Variants in DACH1 observed in about 807,000 individuals in gnomAD.
DACH1 encodes the protein dachshund homolog 1.
In DACH1, 12 loss-of-function variants were observed where a neutral mutation model predicts 54.2. The observed-to-expected ratio is 0.22, with a 90% CI of 0.14 to 0.36. DACH1 has a LOEUF of 0.36. Ranked by LOEUF, DACH1 falls within the 10% of genes least tolerant of loss-of-function variation. The pLI is 1.00. For synonymous variants in DACH1, 386 were observed against 366.2 expected, an observed-to-expected ratio of 1.05 and a Z score of -0.62; for missense variants, 805 against 929.8, an observed-to-expected ratio of 0.87 and a Z score of 1.75.
At chr13:71,628,984 A>G (rs1246650063) in intron 3 of DACH1, among the ~76,000 whole-genome samples, 1 of 152,098 alleles carries the variant, frequency 6.6e-6, no homozygotes, top group Non-Finnish European at 1.5e-5. Flanking sequence ...CTTTTCTAAA[A>G]TTTTGAAAAC....
At chr13:71,638,719 T>A (rs1441568230) in intron 2 of DACH1, among the ~76,000 whole-genome samples, 1 of 152,134 alleles carries the variant, frequency 6.6e-6, no homozygotes, top group Non-Finnish European at 1.5e-5. Flanking sequence ...TGGGTTTCTA[T>A]TTTCAATAAG....
intron 2 of DACH1, among the ~76,000 whole-genome samples, chr13:71,642,010 T>C (rs1877943332): frequency 6.6e-6 from 1 of 152,188 alleles, no homozygotes; most frequent in Non-Finnish European, 1.5e-5. Flanking sequence ...GAAAGAAATG[T>C]TTAGTTACTA....
intron 6 of DACH1, among the ~76,000 whole-genome samples, chr13:71,544,576 C>G (rs934994146): frequency 6.6e-6 from 1 of 152,106 alleles, no homozygotes; most frequent in Non-Finnish European, 1.5e-5. Flanking sequence ...GAGATTATGA[C>G]TGCAAAACTT....
rs149003050 is a variant in DACH1, at chr13:71,572,299, T to C, written c.1299+541A>G. On this transcript the variant is annotated intron_variant, in intron 4 of 10. Coordinates refer to ENST00000613252, the MANE Select transcript of DACH1 (RefSeq NM_080759.6). ...GATAGAGGAGACGGAATTGTGTATA[T>C]ATGCACATATGAAGTTTATATAACA... 3.0e-3 allele frequency among the ~76,000 whole-genome samples: 458 copies of C among 152,266 alleles called. 9 individuals are homozygous for C. The highest frequency in any genetic ancestry group is 0.023 in the Admixed American group (349 of 15,296).
chr13:71,623,206 A>G (rs1338147632), intron 3 of DACH1, among the ~76,000 whole-genome samples: 1 of 151,686 alleles, frequency 6.6e-6, no homozygotes, highest in Non-Finnish European at 1.5e-5. Flanking sequence ...TAATGTTTCT[A>G]TTCCTTTACA....
At chr13:71,693,290 G>GTTTTGCT (rs1881618945) in intron 1 of DACH1, among the ~76,000 whole-genome samples, 1 of 102,362 alleles carries the variant, frequency 9.8e-6, no homozygotes, top group Admixed American at 9.2e-5. Context: ...TTATCCATTT[G>GTTTTGCT]TTTTGCTTTT....
At position 71,488,914 on chromosome 13, in the gene DACH1, T is replaced by C. The variant is rs1878758945; in HGVS notation, c.1722+83A>G. ...TTTCAGTCAGTCTAATGGGATTAAG[T>C]AGGAACAGTATAAATTTTGGAAAAA... On this transcript the variant is annotated intron_variant, in intron 7 of 10. Transcript: ENST00000613252. 3 of 1,331,264 alleles carry C rather than the reference T, an allele frequency of 2.3e-6. No individual in the cohort carries two copies. The African/African-American group carries it at 4.4e-5, about 20-fold the overall frequency. 82.5% of individuals were successfully genotyped at this position (1,331,264 alleles called of 1,614,324 possible). A position where few individuals can be genotyped will look rare whatever the true frequency, so the allele number is the denominator to read the frequency against.
chr13:71,675,926 CAT>C (rs1880539267), intron 2 of DACH1, among the ~76,000 whole-genome samples: 1 of 152,020 alleles, frequency 6.6e-6, no homozygotes, highest in African/African-American at 2.4e-5. Flanking sequence ...CATGCAAGTA[CAT>C]GTTTTTAATG....
At chr13:71,549,123 T>C (rs542289387) in intron 6 of DACH1, among the ~76,000 whole-genome samples, 11 of 152,018 alleles carry the variant, frequency 7.2e-5, no homozygotes, top group African/African-American at 2.7e-4. Context: ...AAACTAGAGA[T>C]AACCAATTCA....
chr13:71,518,931 A>ATT, intron 6 of DACH1, among the ~76,000 whole-genome samples: 1 of 151,996 alleles, frequency 6.6e-6, no homozygotes, highest in East Asian at 1.9e-4. Context: ...GACATCTGAA[A>ATT]TTTTTATGAA....
intron 6 of DACH1, among the ~76,000 whole-genome samples, chr13:71,520,117 A>G (rs942113184): frequency 6.6e-6 from 1 of 151,244 alleles, no homozygotes; most frequent in Non-Finnish European, 1.5e-5. Context: ...GAGAAGAAGC[A>G]CTAGTTGAAG....
intron 10 of DACH1, among the ~76,000 whole-genome samples, chr13:71,465,060 T>C (rs1216593655): frequency 6.6e-6 from 1 of 152,076 alleles, no homozygotes; most frequent in Non-Finnish European, 1.5e-5. Context: ...AACAACATTA[T>C]TGTGGCATGT....
chr13:71,474,318 ATGAT>A (rs1189733327), intron 10 of DACH1, among the ~76,000 whole-genome samples: 1 of 152,196 alleles, frequency 6.6e-6, no homozygotes, highest in East Asian at 1.9e-4. Flanking sequence ...TATCCTAAAA[ATGAT>A]TGAGTTTAAA....
At chr13:71,816,542 G>A (rs1191891394) in intron 1 of DACH1, among the ~76,000 whole-genome samples, 1 of 147,134 alleles carries the variant, frequency 6.8e-6, no homozygotes, top group Admixed American at 6.8e-5. Flanking sequence ...AAGAAAATGT[G>A]GTATGTGGTA....
chr13:71,616,243 G>A (rs1317523589), intron 3 of DACH1, among the ~76,000 whole-genome samples: 4 of 152,086 alleles, frequency 2.6e-5, no homozygotes, highest in Non-Finnish European at 5.9e-5. Flanking sequence ...AGATATTACA[G>A]AGTATTAAGA....
chr13:71,585,985 C>T (rs1873228943), intron 3 of DACH1, among the ~76,000 whole-genome samples: 2 of 152,118 alleles, frequency 1.3e-5, no homozygotes, highest in South Asian at 4.2e-4. Flanking sequence ...CAGAGCCAGC[C>T]ATGACAAAAC....
intron 1 of DACH1, among the ~76,000 whole-genome samples, chr13:71,780,377 T>G (rs1594212862): frequency 6.6e-6 from 1 of 152,288 alleles, no homozygotes; most frequent in Admixed American, 6.5e-5. Context: ...ATCATTTAAA[T>G]TTCAGAGGAT....
chr13:71,464,106 T>C (rs1391983294), intron 10 of DACH1, among the ~76,000 whole-genome samples: 1 of 151,924 alleles, frequency 6.6e-6, no homozygotes, highest in Non-Finnish European at 1.5e-5. Flanking sequence ...AGCTAAAATA[T>C]TTTCAACCAA....
intron 1 of DACH1, among the ~76,000 whole-genome samples, chr13:71,795,255 C>T (rs897183514): frequency 5.9e-5 from 9 of 152,054 alleles, no homozygotes; most frequent in South Asian, 2.1e-4. Flanking sequence ...ACTTCAAGAA[C>T]GCTGTAAAGA....
Sources: gnomAD v4.1 joint callset for allele counts (sites outside exome capture counted in the v4.1 genomes callset) on GRCh38, gnomAD v4.1.1 for gene constraint, MANE v1.5 for transcripts, NCBI Gene and HGNC (gene_info 2026-07-23, HGNC 2026-07-21) for gene names.